The following DMD variants were observed in gnomAD, a reference collection of about 807,000 sequenced individuals.
DMD encodes dystrophin.
A neutral mutation model predicts 330.1 loss-of-function variants in DMD; 63 were observed. The ratio of observed to expected loss-of-function variants is 0.19; its 90% CI spans 0.16 to 0.24. The LOEUF (loss-of-function observed/expected upper bound fraction) is 0.24. DMD is among the 10% of genes least tolerant of loss of function. DMD has a pLI of 1.00. For missense variants in DMD, 3,344 were observed against 2,684.1 expected (o/e 1.25, Z -5.43); for synonymous variants, 1,223 against 959.8 (o/e 1.27, Z -5.07).
At chrX:32,386,165 T>C in intron 33 of DMD, 145 bp downstream of exon 33, 2 of 575,443 alleles carry the variant, frequency 3.5e-6, no homozygotes, top group South Asian at 4.9e-5. Context: ...CGTATATGTG[T>C]GTATATATAT....
Position 32,485,026 on chromosome X carries a change from T to C in DMD, c.2696A>G (p.Glu899Gly). 2.5e-6 allele frequency: 3 copies of C among 1,211,626 alleles called. No individual in the cohort carries two copies. The highest frequency in any genetic ancestry group is 3.4e-6 in the Non-Finnish European group (3 of 895,244). Residue 899 changes from glutamate to glycine, a missense_variant, in exon 21 of 79, where the codon GAG (glutamate) becomes GGG (glycine). Physicochemically the swap from Glu to Gly is moderately conservative, Grantham distance 98. Coordinates refer to ENST00000357033, the MANE Select transcript of DMD (RefSeq NM_004006.3). ...CAGGAACATGGGTCCTTGTCCTTTC[T>C]CTTTCAGGGCTATGCTTTGAATTTT... The part of the protein sequence containing the change: ...RLKIQSIALK[E>G]KGQGPMFLDA...
chrX:31,185,130 A>T (rs761577834), intron 67 of DMD, among the ~76,000 whole-genome samples: 169 of 111,158 alleles, frequency 1.5e-3, no homozygotes, highest in Non-Finnish European at 2.6e-3. Context: ...TAAAATAAAA[A>T]AAATAAAGAT....
At chrX:33,327,612 G>T (rs1168089895) in intron 1 of DMD, among the ~76,000 whole-genome samples, 2 of 111,340 alleles carry the variant, frequency 1.8e-5, no homozygotes, top group African/African-American at 6.5e-5. Flanking sequence ...GGAAAAAAAA[G>T]ATACAGAAAA....
At chrX:32,007,154 G>A (rs2095668062) in intron 44 of DMD, among the ~76,000 whole-genome samples, 1 of 104,227 alleles carries the variant, frequency 9.6e-6, no homozygotes, top group African/African-American at 3.5e-5. Context: ...CACCAGCATG[G>A]CACATGCATA....
At chrX:33,298,168 G>A (rs1422247584) in intron 1 of DMD, among the ~76,000 whole-genome samples, 1 of 111,161 alleles carries the variant, frequency 9.0e-6, no homozygotes, top group African/African-American at 3.3e-5. Context: ...ACAAGCATGT[G>A]ATGATCAACT....
intron 61 of DMD, among the ~76,000 whole-genome samples, chrX:31,339,171 C>G (rs943453576): frequency 4.5e-5 from 5 of 111,005 alleles, no homozygotes; most frequent in Admixed American, 1.9e-4. Context: ...CTCATGTGTT[C>G]AAATTGATGG....
intron 29 of DMD, among the ~76,000 whole-genome samples, chrX:32,418,037 C>G (rs2098173021): frequency 9.1e-6 from 1 of 110,433 alleles, no homozygotes; most frequent in East Asian, 2.8e-4. Flanking sequence ...TCTTTTAGAC[C>G]ATGGCTTAAG....
At chrX:32,734,830 A>G (rs1429244323) in intron 7 of DMD, among the ~76,000 whole-genome samples, 1 of 104,077 alleles carries the variant, frequency 9.6e-6, no homozygotes, top group Non-Finnish European at 1.9e-5. Context: ...CAAAAACTGG[A>G]AGCATTCCCT....
chrX:32,689,601 C>T (rs1250796020), intron 9 of DMD, among the ~76,000 whole-genome samples: 1 of 110,712 alleles, frequency 9.0e-6, no homozygotes, highest in Non-Finnish European at 1.9e-5. Context: ...AAAAGACATC[C>T]CAAGAAAACT....
At chrX:32,348,060 G>T (rs1055917317) in intron 38 of DMD, among the ~76,000 whole-genome samples, 1 of 111,408 alleles carries the variant, frequency 9.0e-6, no homozygotes, top group African/African-American at 3.3e-5. Context: ...GATACAAAAT[G>T]TCAGTCATCT....
At chrX:33,304,012 T>C (rs1211321865) in intron 1 of DMD, among the ~76,000 whole-genome samples, 3 of 111,628 alleles carry the variant, frequency 2.7e-5, no homozygotes, top group African/African-American at 9.8e-5. Context: ...CTGAAGTTAT[T>C]TATTATAAAT....
At chrX:33,222,298 C>T (rs1225519770) in intron 1 of DMD, among the ~76,000 whole-genome samples, 1 of 111,784 alleles carries the variant, frequency 8.9e-6, no homozygotes, top group Non-Finnish European at 1.9e-5. Flanking sequence ...AAAAATCACA[C>T]GATGTTATCA....
chrX:31,457,941 C>T (rs2066290416), intron 59 of DMD, among the ~76,000 whole-genome samples: 1 of 111,455 alleles, frequency 9.0e-6, no homozygotes, highest in Non-Finnish European at 1.9e-5. Flanking sequence ...GCAAAAACGT[C>T]CTTTAATATC....
At chrX:31,280,629 A>G (rs983334595) in intron 62 of DMD, among the ~76,000 whole-genome samples, 1 of 112,246 alleles carries the variant, frequency 8.9e-6, no homozygotes, top group African/African-American at 3.2e-5. Context: ...AAATTTTTTT[A>G]AAAAAGCGTT....
chrX:31,408,920 T>A (rs1221312577), intron 60 of DMD, among the ~76,000 whole-genome samples: 1 of 111,402 alleles, frequency 9.0e-6, no homozygotes, highest in Non-Finnish European at 1.9e-5. Flanking sequence ...TATCTCCTAA[T>A]GCTATCCCTC....
At chrX:31,452,721 T>A (rs2149117464) in intron 59 of DMD, among the ~76,000 whole-genome samples, 1 of 112,623 alleles carries the variant, frequency 8.9e-6, no homozygotes, top group Non-Finnish European at 1.9e-5. Context: ...AGGACATGGC[T>A]TTCTATGAAG....
chrX:31,690,499 G>C (rs2083039666), intron 52 of DMD, among the ~76,000 whole-genome samples: 1 of 111,900 alleles, frequency 8.9e-6, no homozygotes, highest in Non-Finnish European at 1.9e-5. Flanking sequence ...GGAGAAATAG[G>C]AACACTTTAC....
chrX:31,365,561 G>A (rs1461438423), intron 60 of DMD, among the ~76,000 whole-genome samples: 1 of 112,054 alleles, frequency 8.9e-6, no homozygotes, highest in Non-Finnish European at 1.9e-5. Flanking sequence ...CTGTGATTTG[G>A]CCATTTGATA....
chrX:31,637,331 T>TA (rs896329241), intron 54 of DMD, among the ~76,000 whole-genome samples: 1 of 112,033 alleles, frequency 8.9e-6, no homozygotes, highest in Non-Finnish European at 1.9e-5. Context: ...AAATTGCATT[T>TA]AAAAGACCTA....
Sources: allele counts gnomAD v4.1 joint callset (sites outside exome capture counted in the v4.1 genomes callset), GRCh38; gene constraint gnomAD v4.1.1; transcripts MANE v1.5; gene names NCBI Gene and HGNC (gene_info 2026-07-23, HGNC 2026-07-21).